The following ZNF536 variants were observed in gnomAD, a reference collection of about 807,000 sequenced individuals.
ZNF536 encodes the protein zinc finger protein 536.
ZNF536 carries 13 observed loss-of-function variants against 84.5 expected under a neutral mutation model. The observed-to-expected ratio is 0.15, with a 90% CI of 0.10 to 0.24. The LOEUF (loss-of-function observed/expected upper bound fraction) is 0.24. Among genes scored for constraint, ZNF536 ranks in the 10% least tolerant of loss-of-function variants. The pLI, the probability that ZNF536 is intolerant of heterozygous loss-of-function variation, is 1.00. For synonymous variants in ZNF536, 811 were observed against 742.5 expected (o/e 1.09, Z -1.50); for missense variants, 1,536 against 1,747.5 (o/e 0.88, Z 2.16).
rs755695983 is a variant in ZNF536, at chr19:30,548,592, G to C, written c.2973G>C (p.Ser991=). The stretch of plus-strand genomic sequence containing the variant: ...ATGCCGCCTCCCTCCCGGGCTCCTC[G>C]GTAACTGTGCAGGACAGCATTGCAT... ...RPDAASLPGS[S]VTVQDSIAWH... The change falls in exon 4 of 5, where the codon TCG becomes TCC. Residue 991 remains serine (S), a synonymous_variant. Transcript: ENST00000355537. 1 of 1,614,098 alleles carries C rather than the reference G, an allele frequency of 6.2e-7. No homozygotes were observed. Among genetic ancestry groups the C allele is most frequent in the Non-Finnish European group, 8.5e-7 (1 of 1,180,014 alleles).
chr19:30,418,345 T>G (rs550144031), intron 1 of ZNF536, among the ~76,000 whole-genome samples: 2 of 152,322 alleles, frequency 1.3e-5, no homozygotes, highest in Non-Finnish European at 2.9e-5. Context: ...ACAGGTGAAG[T>G]GCGTTCAGTC....
intron 1 of ZNF536, among the ~76,000 whole-genome samples, chr19:30,380,904 G>T (rs1042854169): frequency 1.3e-5 from 2 of 151,772 alleles, no homozygotes; most frequent in Non-Finnish European, 2.9e-5. Context: ...AGAGACAGGG[G>T]CTCACTCTGT....
intron 1 of ZNF536, among the ~76,000 whole-genome samples, chr19:30,441,161 C>T (rs2052029081): frequency 6.6e-6 from 1 of 152,212 alleles, no homozygotes; most frequent in Non-Finnish European, 1.5e-5. Context: ...TCATCAGCAG[C>T]AACCTGAAAA....
At chr19:30,290,910 A>C (rs550474100) in intron 2 of ZNF536, among the ~76,000 whole-genome samples, 1 of 151,518 alleles carries the variant, frequency 6.6e-6, no homozygotes, top group Non-Finnish European at 1.5e-5. Context: ...TCATTGTTCA[A>C]CTCCCACTTA....
intron 2 of ZNF536, among the ~76,000 whole-genome samples, chr19:30,503,661 A>G (rs1036953252): frequency 1.3e-5 from 2 of 152,332 alleles, no homozygotes; most frequent in South Asian, 2.1e-4. Context: ...CAAAGTCAGC[A>G]GACATGTGGC....
chr19:30,701,646 T>A (rs1203544747), intron 1 of ZNF536, among the ~76,000 whole-genome samples: 1 of 152,198 alleles, frequency 6.6e-6, no homozygotes, highest in East Asian at 1.9e-4. Context: ...CAGAGGCCCC[T>A]CTTTGTAGAG....
intron 1 of ZNF536, among the ~76,000 whole-genome samples, chr19:30,252,915 A>G (rs1457563356): frequency 6.6e-6 from 1 of 152,248 alleles, no homozygotes; most frequent in Non-Finnish European, 1.5e-5. Flanking sequence ...CATAAAACAA[A>G]TTCCATTTTA....
At position 30,518,397 on chromosome 19, in the gene ZNF536, G is replaced by A. The variant is rs796729951; in HGVS notation, c.2171-16450G>A. ...GATCACACTGCTGTGTTGGATCTCC[G>A]TTTTGATTCCCAAAATTGCAATCAT... On this transcript the variant is annotated intron_variant, in intron 2 of 4. Transcript: ENST00000355537. Among the ~76,000 whole-genome samples, 7 of 152,074 alleles carry A rather than the reference G, an allele frequency of 4.6e-5. No individual in the cohort carries two copies. The South Asian group carries it at 6.2e-4, about 14-fold the overall frequency.
intron 2 of ZNF536, among the ~76,000 whole-genome samples, chr19:30,532,382 C>A (rs2044871861): frequency 6.6e-6 from 1 of 152,154 alleles, no homozygotes; most frequent in African/African-American, 2.4e-5. Flanking sequence ...CCACCCGCCT[C>A]AGCCTCCCAA....
chr19:30,339,260 G>C (rs992382825), intron 2 of ZNF536, among the ~76,000 whole-genome samples: 4 of 152,224 alleles, frequency 2.6e-5, no homozygotes, highest in Non-Finnish European at 5.9e-5. Context: ...CCATGGGCCA[G>C]GTGCTCTTTG....
At chr19:30,278,976 C>T (rs547216674) in intron 1 of ZNF536, among the ~76,000 whole-genome samples, 16 of 152,330 alleles carry the variant, frequency 1.1e-4, no homozygotes, top group African/African-American at 3.8e-4. Context: ...CATCCATTCT[C>T]CCACTCACTA....
At chr19:30,330,191 G>A (rs2047165117) in intron 2 of ZNF536, among the ~76,000 whole-genome samples, 1 of 152,130 alleles carries the variant, frequency 6.6e-6, no homozygotes, top group African/African-American at 2.4e-5. Context: ...AAGCTGGGAG[G>A]CGCCAGGTGC....
chr19:30,423,756 G>A (rs1022863649), intron 1 of ZNF536, among the ~76,000 whole-genome samples: 5 of 152,186 alleles, frequency 3.3e-5, no homozygotes, highest in Non-Finnish European at 7.3e-5. Flanking sequence ...CCTCCCGGGG[G>A]CTTCGGCAGG....
At chr19:30,563,013 G>C (rs891448807), downstream of ZNF536, among the ~76,000 whole-genome samples, 1 of 152,180 alleles carries the variant, frequency 6.6e-6, no homozygotes, top group Non-Finnish European at 1.5e-5. Context: ...AGGCACTCGT[G>C]TATCCCTTAA....
chr19:30,419,595 C>T (rs1021178393), intron 1 of ZNF536, among the ~76,000 whole-genome samples: 2 of 152,130 alleles, frequency 1.3e-5, no homozygotes, highest in South Asian at 2.1e-4. Flanking sequence ...ATAAATGTTG[C>T]TTCGCTATTT....
chr19:30,594,678 T>A (rs1029888751), intron 1 of ZNF536, among the ~76,000 whole-genome samples: 3 of 151,392 alleles, frequency 2.0e-5, no homozygotes, highest in Non-Finnish European at 4.4e-5. Flanking sequence ...GGGTGAGGGG[T>A]CCTGCTCCCC....
chr19:30,369,989 A>G (rs540801595), upstream of ZNF536, among the ~76,000 whole-genome samples: 1 of 152,334 alleles, frequency 6.6e-6, no homozygotes, highest in Non-Finnish European at 1.5e-5. Context: ...GCCATCGCTG[A>G]GAAAGCACTC....
chr19:30,651,245 C>T (rs2049693448), intron 1 of ZNF536, among the ~76,000 whole-genome samples: 1 of 152,178 alleles, frequency 6.6e-6, no homozygotes, highest in Admixed American at 6.5e-5. Flanking sequence ...GAGGGAGGTG[C>T]CTGTATTTCC....
intron 2 of ZNF536, among the ~76,000 whole-genome samples, chr19:30,335,906 G>T (rs1180343885): frequency 6.6e-6 from 1 of 152,066 alleles, no homozygotes; most frequent in Non-Finnish European, 1.5e-5. Flanking sequence ...AGTGGCCCTG[G>T]CTCAGATGAC....
Sources: gnomAD v4.1 joint callset for allele counts (sites outside exome capture counted in the v4.1 genomes callset) on GRCh38, gnomAD v4.1.1 for gene constraint, MANE v1.5 for transcripts, NCBI Gene and HGNC (gene_info 2026-07-23, HGNC 2026-07-21) for gene names.